GOLGA8K: variants seen among roughly 807,000 people sequenced by gnomAD.
GOLGA8K encodes the protein golgin A8 family member K.
A neutral mutation model predicts 75.2 loss-of-function variants in GOLGA8K; 12 were observed. The observed-to-expected ratio is 0.16, with a 90% CI of 0.10 to 0.26. GOLGA8K has a LOEUF of 0.26. Among genes scored for constraint, GOLGA8K ranks in the 10% least tolerant of loss-of-function variants. The probability of loss-of-function intolerance (pLI) is 1.00; values close to 1 mark genes in which losing one functional copy is unlikely to be tolerated. For missense variants in GOLGA8K, 109 were observed against 640.8 expected (o/e 0.17, Z 8.96); for synonymous variants, 48 against 236.6 (o/e 0.20, Z 7.32).
intron 13 of GOLGA8K, among the ~76,000 whole-genome samples, chr15:32,395,627 G>A (rs1421774887): frequency 1.7e-3 from 241 of 144,952 alleles, no homozygotes; most frequent in African/African-American, 5.9e-3. Flanking sequence ...CCGACCTCAA[G>A]TGATTCTCCT....
At position 32,397,263 on chromosome 15, in the gene GOLGA8K, A is replaced by G. The variant is rs1358637596; in HGVS notation, c.726T>C (p.Ser242=). The change falls in exon 10 of 19, where the codon TCT becomes TCC. Residue 242 remains serine, a synonymous_variant. Coordinates refer to ENST00000512626, the MANE Select transcript of GOLGA8K (RefSeq NM_001282493.2). The stretch of plus-strand genomic sequence containing the variant: ...GGGCCCTCTCTCCTTTTAGATGTTC[A>G]GAATACTCATCTCTTTCTAATTGGA... ...QQVQLERDEY[S]EHLKGERARW... is the part of the protein sequence containing the mutation. The G allele has an allele frequency of 6.4e-7, 1 of 1,570,838 alleles. No homozygotes were observed. Among genetic ancestry groups the G allele is most frequent in the Admixed American group, 1.7e-5 (1 of 57,208 alleles).
rs985223528 is a variant in GOLGA8K at position 32,395,958 on chromosome 15, T to C, written c.1200+5A>G. 1 of 1,217,596 alleles carries C rather than the reference T, an allele frequency of 8.2e-7. No homozygotes were observed. Among genetic ancestry groups the C allele is most frequent in the African/African-American group, 1.5e-5 (1 of 65,402 alleles). The allele number at this position is 1,217,596 out of a possible 1,614,324, so 75.4% of individuals were successfully genotyped here. ...GGATGGGGTGGAGGTTTCCGTCTCC[T>C]TCACCTCGCCAAGCTTCTCCTGTAG... On this transcript the variant is annotated splice_donor_5th_base_variant and intron_variant, in intron 13 of 18. Transcript: ENST00000512626.
In GOLGA8K at chr15:32,397,328, G is replaced by C; in HGVS notation, c.679-18C>G. On this transcript the variant is annotated intron_variant, in intron 9 of 18. Transcript: ENST00000512626. ...TCCTTCAACTGCAAGAATGGGCACA[G>C]AACTTAGGAAGGGCTGTCACTGGTC... 1 of 1,564,180 alleles carries C rather than the reference G, an allele frequency of 6.4e-7. No homozygotes were observed.
chr15:32,394,491 G>C, intron 14 of GOLGA8K, 174 bp downstream of exon 14: 1 of 636,634 alleles, frequency 1.6e-6, no homozygotes, highest in Middle Eastern at 4.1e-4. Flanking sequence ...AGGCAACTTG[G>C]TGACCCCCCG....
rs560308831 is a variant in GOLGA8K, at chr15:32,397,326, C to A, written c.679-16G>T. On this transcript the variant is annotated splice_polypyrimidine_tract_variant and intron_variant, in intron 9 of 18. Transcript: ENST00000512626. ...ACTCCTTCAACTGCAAGAATGGGCA[C>A]AGAACTTAGGAAGGGCTGTCACTGG... 2 of 1,568,376 alleles carry A rather than the reference C, an allele frequency of 1.3e-6. No individual in the cohort carries two copies. The highest frequency in any genetic ancestry group is 4.5e-5 in the East Asian group (2 of 44,158).
At position 32,389,969 on chromosome 15, in the gene GOLGA8K, T is replaced by C. The variant is rs545609941; in HGVS notation, c.*2813A>G. On this transcript the variant is annotated 3_prime_UTR_variant, in exon 19 of 19. Coordinates refer to ENST00000512626, the MANE Select transcript of GOLGA8K (RefSeq NM_001282493.2). Reference sequence around the variant, plus strand: ...GGCTGATTTACATTTTCAAATTTTCTAAAATCAGCTTTGGTTTTAGAGCTG... The same window carrying C: ...GGCTGATTTACATTTTCAAATTTTCCAAAATCAGCTTTGGTTTTAGAGCTG... Among the ~76,000 whole-genome samples, 166 of 92,650 alleles carry C rather than the reference T, an allele frequency of 1.8e-3. 31 individuals carry two copies. The highest frequency in any genetic ancestry group is 3.3e-3 in the Non-Finnish European group (141 of 42,562). 60.8% of individuals were successfully genotyped at this position (92,650 alleles called of 152,430 possible).
chr15:32,394,252 G>A lies in GOLGA8K; in HGVS notation c.1277-19C>T. On this transcript the variant is annotated intron_variant, in intron 14 of 18. Transcript: ENST00000512626. Reference sequence around the variant, plus strand: ...CCGTGTCCTGTGGGGGGTGGCCAGAGGGGTCTTCAGACAACCCAACAAGGG... The same window carrying A: ...CCGTGTCCTGTGGGGGGTGGCCAGAAGGGTCTTCAGACAACCCAACAAGGG... The A allele has an allele frequency of 2.0e-6, 3 of 1,513,322 alleles. No homozygotes were observed. 93.7% of individuals were successfully genotyped at this position (1,513,322 alleles called of 1,614,324 possible).
chr15:32,394,844 G>C (rs1181506916), intron 13 of GOLGA8K, 104 bp from the exon 14 acceptor site: 1 of 1,312,942 alleles, frequency 7.6e-7, no homozygotes, highest in Non-Finnish European at 1.0e-6. Flanking sequence ...GCAACTTTTG[G>C]CAGGCCATCT....
Position 32,397,227 on chromosome 15 carries a change from C to T in GOLGA8K, c.762G>A (p.Gln254=), listed in dbSNP as rs1466292742. The T allele has an allele frequency of 1.4e-5, 20 of 1,479,824 alleles. 1 individual carries two copies. The East Asian group carries it at 4.4e-4, about 33-fold the overall frequency. The allele number at this position is 1,479,824 out of a possible 1,614,324, so 91.7% of individuals were successfully genotyped here. A position where few individuals can be genotyped will look rare whatever the true frequency, so the allele number is the denominator to read the frequency against. ...CCTCCTGCGACATTTTTCTCATCCTCTGCTGCCACCGGGCCCTCTCTCCTT... is the reference window on the plus strand; with the variant it reads ...CCTCCTGCGACATTTTTCTCATCCTTTGCTGCCACCGGGCCCTCTCTCCTT... ...HLKGERARWQ[Q]RMRKMSQEIC... The change falls in exon 10 of 19, where the codon CAG becomes CAA. Residue 254 remains glutamine (Q), a synonymous_variant. Coordinates refer to ENST00000512626, the MANE Select transcript of GOLGA8K (RefSeq NM_001282493.2).
Position 32,398,206 on chromosome 15 carries a change from T to C in GOLGA8K, c.591+354A>G, listed in dbSNP as rs2054655951. ...CACACACACACATGCACGCGTTTCC[T>C]CTTTCTACAGAAATGGTAACATACT... On this transcript the variant is annotated intron_variant, in intron 8 of 18. Coordinates refer to ENST00000512626, the MANE Select transcript of GOLGA8K (RefSeq NM_001282493.2). 1.4e-5 allele frequency among the ~76,000 whole-genome samples: 2 copies of C among 144,926 alleles called. 1 individual carries two copies. The highest frequency in any genetic ancestry group is 1.4e-4 in the Admixed American group (2 of 14,034).
In GOLGA8K at chr15:32,394,708, C is replaced by T. The variant is rs2054584453; in HGVS notation, c.1233G>A (p.Gln411=). The T allele has an allele frequency of 1.3e-6, 2 of 1,547,618 alleles. No homozygotes were observed. Among genetic ancestry groups the T allele is most frequent in the Admixed American group, 1.8e-5 (1 of 56,336 alleles). The change falls in exon 14 of 19, where the codon CAG becomes CAA. Residue 411 remains glutamine (Q), a synonymous_variant. Coordinates refer to ENST00000512626, the MANE Select transcript of GOLGA8K (RefSeq NM_001282493.2). ...EHLEAASQQN[Q]QLTAQLSLMA... ...TGAGGCTCAGCTGGGCCGTTAGCTG[C>T]TGGTTCTGCTGGCTGGCCGCTTCCA...
At chr15:32,395,073 G>A (rs1474648064) in intron 13 of GOLGA8K, among the ~76,000 whole-genome samples, 1 of 148,034 alleles carries the variant, frequency 6.8e-6, no homozygotes, top group African/African-American at 2.4e-5. Flanking sequence ...GGGTGTGAGG[G>A]CATGTGGTGG....
rs753768447 is a variant in GOLGA8K at position 32,394,695 on chromosome 15, G to A, written c.1246C>T (p.Gln416Ter). The change falls in exon 14 of 19, where the codon CAG becomes TAG. Residue 416 changes from glutamine (Q) to a stop codon, truncating the protein, a stop_gained. Transcript: ENST00000512626. LOFTEE classifies it high-confidence loss of function. ...CCAGGGAGAGCCATGAGGCTCAGCT[G>A]GGCCGTTAGCTGCTGGTTCTGCTGG... The part of the protein sequence containing the change: ...ASQQNQQLTA[Q>*]LSLMALPGEG... 8.4e-6 allele frequency: 13 copies of A among 1,545,092 alleles called. 1 individual carries two copies. In the East Asian group the frequency reaches 1.2e-4, roughly 14 times the overall value.
rs1387702911 is a variant in GOLGA8K at position 32,389,934 on chromosome 15, T to A, written c.*2848A>T. On this transcript the variant is annotated 3_prime_UTR_variant, in exon 19 of 19. Transcript: ENST00000512626. Reference sequence around the variant, plus strand: ...AAGATAAAGTTTTAGAGAAACTATATTATGGATAGGGCTGATTTACATTTT... The same window carrying A: ...AAGATAAAGTTTTAGAGAAACTATAATATGGATAGGGCTGATTTACATTTT... 9.6e-6 allele frequency among the ~76,000 whole-genome samples: 1 copy of A among 103,982 alleles called. No homozygotes were observed. Among genetic ancestry groups the A allele is most frequent in the African/African-American group, 3.2e-5 (1 of 31,530 alleles). 68.2% of individuals were successfully genotyped at this position (103,982 alleles called of 152,430 possible).
chr15:32,395,210 C>T (rs1444388607), intron 13 of GOLGA8K, among the ~76,000 whole-genome samples: 1 of 113,364 alleles, frequency 8.8e-6, no homozygotes, highest in African/African-American at 2.9e-5. Flanking sequence ...AACCCCATGC[C>T]TCCTTCCCCA....
chr15:32,395,668 G>A (rs1463798840), intron 13 of GOLGA8K, among the ~76,000 whole-genome samples: 5 of 146,040 alleles, frequency 3.4e-5, no homozygotes, highest in African/African-American at 1.2e-4. Context: ...TGGGATTATA[G>A]GCATGAGCCA....
chr15:32,396,357 T>C lies in GOLGA8K; in HGVS notation c.1061A>G (p.Glu354Gly). 8.1e-7 allele frequency: 1 copy of C among 1,230,418 alleles called. No homozygotes were observed. Among genetic ancestry groups the C allele is most frequent in the Non-Finnish European group, 1.1e-6 (1 of 902,034 alleles). 76.2% of individuals were successfully genotyped at this position (1,230,418 alleles called of 1,614,324 possible). The change falls in exon 12 of 19, where the codon GAG becomes GGG. Residue 354 changes from glutamate (E) to glycine (G), a missense_variant. By Grantham distance (98) the Glu-to-Gly change is moderately conservative. Transcript: ENST00000512626. ...QEQEERLRKQ[E>G]ERIQEQHKSL... ...CTTGTGCTGCTCCTGAATCCTCTCCTCCTGCTTCCGAAGCCTCTCTTCCTG... is the reference window on the plus strand; with the variant it reads ...CTTGTGCTGCTCCTGAATCCTCTCCCCCTGCTTCCGAAGCCTCTCTTCCTG...
chr15:32,393,989 CCT>C (rs2054569440), intron 15 of GOLGA8K, among the ~76,000 whole-genome samples, 154 bp downstream of exon 15: 2 of 37,120 alleles, frequency 5.4e-5, no homozygotes, highest in African/African-American at 2.3e-4. Context: ...AGAGAGTGCA[CCT>C]GTTGGCCACA....
At chr15:32,398,126 C>G (rs867083522) in intron 8 of GOLGA8K, among the ~76,000 whole-genome samples, 4,524 of 130,064 alleles carry the variant, frequency 0.035, no homozygotes, top group Non-Finnish European at 0.05. Context: ...TTTTATGAAC[C>G]CTTGCAGACA....
Sources: gnomAD v4.1 joint callset for allele counts (sites outside exome capture counted in the v4.1 genomes callset) on GRCh38, gnomAD v4.1.1 for gene constraint, MANE v1.5 for transcripts, NCBI Gene and HGNC (gene_info 2026-07-23, HGNC 2026-07-21) for gene names.